PLSCR2: variants seen among roughly 807,000 people sequenced by gnomAD.
The protein encoded by PLSCR2 is PL scramblase 2.
PLSCR2 carries 18 observed loss-of-function variants against 25.3 expected under a neutral mutation model. That is an observed-to-expected ratio of 0.71 (90% CI 0.49 to 1.06). The LOEUF (loss-of-function observed/expected upper bound fraction) is 1.06, where lower values mean the gene tolerates loss of function less well. Among genes scored for constraint, PLSCR2 ranks in the 50% least tolerant of loss-of-function variants. PLSCR2 has a pLI of 0.00. For synonymous variants in PLSCR2, 88 were observed against 87.3 expected, an observed-to-expected ratio of 1.01 and a Z score of -0.04; for missense variants, 243 against 269.5, an observed-to-expected ratio of 0.90 and a Z score of 0.69.
At chr3:146,394,275 C>CT (rs894830391) in intron 3 of PLSCR2, among the ~76,000 whole-genome samples, 20 of 150,664 alleles carry the variant, frequency 1.3e-4, no homozygotes, top group African/African-American at 2.2e-4. Flanking sequence ...CTTTTCTTTT[C>CT]TTTTTTTTTG....
At chr3:146,445,182 T>A (rs947370440) in intron 6 of PLSCR2, among the ~76,000 whole-genome samples, 2 of 152,164 alleles carry the variant, frequency 1.3e-5, no homozygotes, top group Non-Finnish European at 1.5e-5. Flanking sequence ...CTACTTAGCA[T>A]ATGAGTAGTT....
intron 2 of PLSCR2, among the ~76,000 whole-genome samples, chr3:146,403,466 A>G (rs1210077457): frequency 6.6e-6 from 1 of 152,190 alleles, no homozygotes; most frequent in Non-Finnish European, 1.5e-5. Context: ...GGTGATGTTG[A>G]TGCTGCTGTT....
chr3:146,482,063 T>C (rs1240845130), intron 1 of PLSCR2, among the ~76,000 whole-genome samples: 2 of 152,166 alleles, frequency 1.3e-5, no homozygotes, highest in African/African-American at 2.4e-5. Flanking sequence ...TTACACCTTA[T>C]ACAAAAATTA....
At chr3:146,476,147 C>A (rs2042275119) in intron 1 of PLSCR2, among the ~76,000 whole-genome samples, 1 of 152,074 alleles carries the variant, frequency 6.6e-6, no homozygotes, top group South Asian at 2.1e-4. Flanking sequence ...AAGGCTCCCA[C>A]CAAGAAGAAC....
At chr3:146,445,039 T>C (rs943803875) in intron 6 of PLSCR2, among the ~76,000 whole-genome samples, 3 of 151,888 alleles carry the variant, frequency 2.0e-5, no homozygotes, top group African/African-American at 7.2e-5. Context: ...AAGAGAAAAG[T>C]AATAAAAAAT....
chr3:146,454,907 T>C (rs1364341506), intron 4 of PLSCR2, among the ~76,000 whole-genome samples: 1 of 152,188 alleles, frequency 6.6e-6, no homozygotes, highest in Non-Finnish European at 1.5e-5. Flanking sequence ...ATATTTTCAA[T>C]GGTGCAACTC....
intron 2 of PLSCR2, among the ~76,000 whole-genome samples, chr3:146,459,613 T>TTA (rs1309914481): frequency 6.6e-6 from 1 of 152,170 alleles, no homozygotes; most frequent in Non-Finnish European, 1.5e-5. Context: ...TATTATCACA[T>TTA]TATATAAAAG....
At chr3:146,477,124 T>G (rs550640420) in intron 1 of PLSCR2, among the ~76,000 whole-genome samples, 2 of 152,172 alleles carry the variant, frequency 1.3e-5, no homozygotes, top group Non-Finnish European at 2.9e-5. Flanking sequence ...TGTTCCAAGA[T>G]GGCCAAATAG....
intron 1 of PLSCR2, among the ~76,000 whole-genome samples, chr3:146,489,776 A>G (rs898685573): frequency 5.9e-5 from 9 of 152,070 alleles, no homozygotes; most frequent in Non-Finnish European, 1.3e-4. Context: ...ACCCACCCAG[A>G]TGGTGTGGAA....
intron 1 of PLSCR2, among the ~76,000 whole-genome samples, chr3:146,466,244 C>T (rs1489425718): frequency 4.8e-5 from 5 of 104,542 alleles, no homozygotes; most frequent in Non-Finnish European, 8.3e-5. Flanking sequence ...ACGATCTCAG[C>T]TCTGCAACCT....
intron 1 of PLSCR2, among the ~76,000 whole-genome samples, chr3:146,476,959 G>A (rs2042308414): frequency 6.6e-6 from 1 of 152,246 alleles, no homozygotes; most frequent in South Asian, 2.1e-4. Flanking sequence ...CAGCCCAGAT[G>A]AGTGGGATTC....
intron 1 of PLSCR2, among the ~76,000 whole-genome samples, chr3:146,490,410 C>T (rs773948881): frequency 1.1e-4 from 17 of 152,042 alleles, no homozygotes; most frequent in African/African-American, 4.1e-4. Context: ...GAAAATGAAG[C>T]ATGCCTCGTA....
At chr3:146,409,115 A>G (rs1035735860) in intron 2 of PLSCR2, among the ~76,000 whole-genome samples, 2 of 152,124 alleles carry the variant, frequency 1.3e-5, no homozygotes, top group Non-Finnish European at 2.9e-5. Flanking sequence ...AGGGAGGATT[A>G]TGGGTTTTCC....
chr3:146,480,615 C>A (rs2043095458), intron 1 of PLSCR2, among the ~76,000 whole-genome samples: 1 of 151,064 alleles, frequency 6.6e-6, no homozygotes. Context: ...GAAAAAGAGT[C>A]CAGGACCAGA....
chr3:146,417,650 T>C (rs1203372768), intron 2 of PLSCR2, among the ~76,000 whole-genome samples: 1 of 152,208 alleles, frequency 6.6e-6, no homozygotes, highest in South Asian at 2.1e-4. Context: ...TACTCCATTT[T>C]ACAAGTTCTA....
At chr3:146,421,333 A>G (rs1270437499) in intron 2 of PLSCR2, among the ~76,000 whole-genome samples, 1 of 152,028 alleles carries the variant, frequency 6.6e-6, no homozygotes, top group Non-Finnish European at 1.5e-5. Context: ...ATTCTACAAA[A>G]GAGAGCAGAA....
chr3:146,443,418 T>C (rs1389882228), intron 6 of PLSCR2, among the ~76,000 whole-genome samples: 1 of 152,016 alleles, frequency 6.6e-6, no homozygotes, highest in Non-Finnish European at 1.5e-5. Context: ...TGGGAGACTT[T>C]TTATTATGGC....
intron 2 of PLSCR2, among the ~76,000 whole-genome samples, chr3:146,423,797 GAGGCCACA>G (rs372005075): frequency 5.9e-5 from 9 of 152,120 alleles, no homozygotes; most frequent in African/African-American, 2.2e-4. Flanking sequence ...AAGATGGAAG[GAGGCCACA>G]AGTCAAGAAA....
intron 6 of PLSCR2, among the ~76,000 whole-genome samples, chr3:146,443,130 GA>G (rs2040346705): frequency 6.6e-6 from 1 of 152,014 alleles, no homozygotes; most frequent in African/African-American, 2.4e-5. Flanking sequence ...ACTCACTCAT[GA>G]TGAATTATCT....
Sources: gnomAD v4.1 joint callset for allele counts (sites outside exome capture counted in the v4.1 genomes callset) on GRCh38, gnomAD v4.1.1 for gene constraint, MANE v1.5 for transcripts, NCBI Gene and HGNC (gene_info 2026-07-23, HGNC 2026-07-21) for gene names.